The following TRPC5 variants were observed in gnomAD, a reference collection of about 807,000 sequenced individuals.
TRPC5 encodes short transient receptor potential channel 5.
A neutral mutation model predicts 56.5 loss-of-function variants in TRPC5; 9 were observed. That is an observed-to-expected ratio of 0.16 (90% CI 0.10 to 0.28). The LOEUF is 0.28. Ranked by LOEUF, TRPC5 falls within the 10% of genes least tolerant of loss-of-function variation. The pLI, the probability that TRPC5 is intolerant of heterozygous loss-of-function variation, is 1.00. For missense variants in TRPC5, 469 were observed against 748.9 expected, an observed-to-expected ratio of 0.63 and a Z score of 4.36; for synonymous variants, 282 against 278.5, an observed-to-expected ratio of 1.01 and a Z score of -0.13.
At chrX:111,858,337 G>A (rs1278575868) in intron 3 of TRPC5, among the ~76,000 whole-genome samples, 1 of 111,266 alleles carries the variant, frequency 9.0e-6, no homozygotes, top group Non-Finnish European at 1.9e-5. Context: ...GAACTGTCCA[G>A]AGCCTGGAGC....
chrX:111,962,859 C>T (rs755482330), intron 1 of TRPC5, among the ~76,000 whole-genome samples: 19 of 111,651 alleles, frequency 1.7e-4, no homozygotes, highest in Non-Finnish European at 2.6e-4. Flanking sequence ...CCAAGATGGC[C>T]GAATAGGAAC....
intron 6 of TRPC5, among the ~76,000 whole-genome samples, chrX:111,840,129 C>T (rs1229991688): frequency 8.9e-6 from 1 of 112,444 alleles, no homozygotes; most frequent in Non-Finnish European, 1.9e-5. Flanking sequence ...GAGATCGTGC[C>T]ACTGCACTGC....
chrX:111,968,905 A>G (rs1226830442), intron 1 of TRPC5, among the ~76,000 whole-genome samples: 2 of 106,812 alleles, frequency 1.9e-5, no homozygotes, highest in African/African-American at 3.4e-5. Context: ...CAACACACCA[A>G]CATGGCACAT....
At chrX:112,029,873 A>G (rs1929538775) in intron 1 of TRPC5, among the ~76,000 whole-genome samples, 1 of 107,722 alleles carries the variant, frequency 9.3e-6, no homozygotes, top group Admixed American at 9.9e-5. Context: ...TGTTACCCAG[A>G]CTGGAGTGCA....
chrX:111,971,398 AT>A (rs1927780742), intron 1 of TRPC5, among the ~76,000 whole-genome samples: 1 of 111,476 alleles, frequency 9.0e-6, no homozygotes, highest in African/African-American at 3.3e-5. Flanking sequence ...TCCAGATAGA[AT>A]CTCAATTCCT....
At chrX:111,944,792 A>C in intron 2 of TRPC5, among the ~76,000 whole-genome samples, 1 of 111,792 alleles carries the variant, frequency 8.9e-6, no homozygotes, top group African/African-American at 3.2e-5. Context: ...CAAGGTATGC[A>C]GAGGATTATC....
chrX:111,784,312 A>G (rs373036881), intron 7 of TRPC5, among the ~76,000 whole-genome samples: 5 of 112,583 alleles, frequency 4.4e-5, no homozygotes, highest in East Asian at 2.8e-4. Flanking sequence ...AATCAAAATT[A>G]AAAACATTTT....
At chrX:111,859,782 AG>A (rs1291129820) in intron 3 of TRPC5, among the ~76,000 whole-genome samples, 1 of 112,465 alleles carries the variant, frequency 8.9e-6, no homozygotes, top group African/African-American at 3.2e-5. Context: ...TTGCAGTAAA[AG>A]CCTTGGTAAA....
intron 1 of TRPC5, among the ~76,000 whole-genome samples, chrX:112,037,974 C>T (rs927048976): frequency 1.8e-5 from 2 of 111,386 alleles, no homozygotes; most frequent in African/African-American, 6.5e-5. Flanking sequence ...TTGTGACCCC[C>T]AGAAGCATAC....
chrX:111,809,216 C>T (rs975383680), intron 7 of TRPC5, among the ~76,000 whole-genome samples: 3 of 110,896 alleles, frequency 2.7e-5, no homozygotes, highest in Non-Finnish European at 5.7e-5. Flanking sequence ...AGCACAGCAC[C>T]AGGACTTGCC....
intron 7 of TRPC5, among the ~76,000 whole-genome samples, chrX:111,790,664 C>T (rs772812371): frequency 9.0e-6 from 1 of 111,074 alleles, no homozygotes; most frequent in Non-Finnish European, 1.9e-5. Context: ...CTAAAGAAAC[C>T]TGCCTTATTC....
chrX:111,805,157 T>C (rs1921457716), intron 7 of TRPC5, among the ~76,000 whole-genome samples: 1 of 112,184 alleles, frequency 8.9e-6, no homozygotes, highest in South Asian at 3.7e-4. Flanking sequence ...TTACATTTAT[T>C]GATTTGCATA....
intron 3 of TRPC5, among the ~76,000 whole-genome samples, chrX:111,878,454 A>G (rs1924059995): frequency 1.8e-5 from 2 of 112,011 alleles, no homozygotes; most frequent in South Asian, 7.5e-4. Context: ...TGCCCACAAG[A>G]AAGACCTTCA....
chrX:111,807,358 G>T (rs1482859559), intron 7 of TRPC5, among the ~76,000 whole-genome samples: 1 of 112,023 alleles, frequency 8.9e-6, no homozygotes, highest in African/African-American at 3.2e-5. Context: ...AGAGACTCAT[G>T]CATTCTTCAG....
At chrX:111,922,079 A>G (rs1926141626) in intron 2 of TRPC5, among the ~76,000 whole-genome samples, 1 of 112,621 alleles carries the variant, frequency 8.9e-6, no homozygotes, top group South Asian at 3.7e-4. Flanking sequence ...AGAAATGGCT[A>G]AAGCTTTTAC....
intron 1 of TRPC5, among the ~76,000 whole-genome samples, chrX:111,982,281 G>T (rs778349626): frequency 8.9e-6 from 1 of 112,008 alleles, no homozygotes; most frequent in Non-Finnish European, 1.9e-5. Context: ...GATAATTATA[G>T]TTCTAATTTC....
intron 1 of TRPC5, among the ~76,000 whole-genome samples, chrX:112,035,958 C>CATATAT (rs201536175): frequency 1.3e-4 from 14 of 108,616 alleles, no homozygotes; most frequent in African/African-American, 2.4e-4. Flanking sequence ...TACACACACA[C>CATATAT]ATATATATAT....
intron 2 of TRPC5, among the ~76,000 whole-genome samples, chrX:111,926,955 C>T (rs751017563): frequency 8.9e-6 from 1 of 111,793 alleles, no homozygotes; most frequent in African/African-American, 3.3e-5. Context: ...CAGAACACTG[C>T]GTCAGTATAA....
chrX:111,800,559 G>T lies in TRPC5; in HGVS notation c.1897-18421C>A, dbSNP rs1291188745. Among the ~76,000 whole-genome samples the T allele has an allele frequency of 3.6e-5, 4 of 110,892 alleles. No individual in the cohort carries two copies. In the Admixed American group the frequency reaches 3.8e-4, roughly 11 times the overall value. On this transcript the variant is annotated intron_variant, in intron 7 of 10. Transcript: ENST00000262839. ...GCGGGGGGATCACTTGAGGTCAGGA[G>T]TTCGAGACCAGCCTGGCCAACATGG...
Sources: allele counts gnomAD v4.1 joint callset (sites outside exome capture counted in the v4.1 genomes callset), GRCh38; gene constraint gnomAD v4.1.1; transcripts MANE v1.5; gene names NCBI Gene and HGNC (gene_info 2026-07-23, HGNC 2026-07-21).